USP19: variants seen among roughly 807,000 people sequenced by gnomAD.
The protein encoded by USP19 is ubiquitin specific peptidase 19, also known as ubiquitin carboxyl-terminal hydrolase 19.
USP19 carries 40 observed loss-of-function variants against 144.8 expected under a neutral mutation model. That is an observed-to-expected ratio of 0.28 (90% confidence interval 0.21 to 0.36). The LOEUF (loss-of-function observed/expected upper bound fraction) is 0.36. USP19 is among the 10% of genes least tolerant of loss of function. The probability of loss-of-function intolerance (pLI) is 1.00; values close to 1 mark genes in which losing one functional copy is unlikely to be tolerated. For missense variants in USP19, 1,518 were observed against 1,822.5 expected (o/e 0.83, Z 3.04); for synonymous variants, 701 against 709.3 (o/e 0.99, Z 0.19).
Position 49,118,968 on chromosome 3 carries a change from C to A in USP19, c.124+54G>T, listed in dbSNP as rs2044667510. The stretch of plus-strand genomic sequence containing the variant: ...ATCTCCCAAACCCCAATCTGTATAC[C>A]AATAAGATGGGAGGCAGAGAAGGCC... On this transcript the variant is annotated intron_variant, in intron 2 of 26. Coordinates refer to ENST00000417901, the MANE Select transcript of USP19 (RefSeq NM_001199161.2). 5 of 1,611,356 alleles carry A rather than the reference C, an allele frequency of 3.1e-6. No homozygotes were observed. In the Admixed American group the frequency reaches 5.0e-5, roughly 16 times the overall value.
At position 49,116,836 on chromosome 3, in the gene USP19, G is replaced by A. The variant is rs545452169; in HGVS notation, c.1017C>T (p.Pro339=). 4.6e-5 allele frequency: 74 copies of A among 1,614,052 alleles called. 1 individual carries two copies. In the South Asian group the frequency reaches 5.9e-4, roughly 13 times the overall value. Reference sequence around the variant, plus strand: ...TGGCTGGAGAGACTGGGTCATTCCCGGGAGGCACTGCTTTCTCTCCTGCCA... The same window carrying A: ...TGGCTGGAGAGACTGGGTCATTCCCAGGAGGCACTGCTTTCTCTCCTGCCA... ...APLAGEKAVP[P]GNDPVSPAMV... is the part of the protein sequence containing the mutation. Residue 339 remains proline, a synonymous_variant, in exon 7 of 27, where the codon CCC becomes CCT. Coordinates refer to ENST00000417901, the MANE Select transcript of USP19 (RefSeq NM_001199161.2). The surrounding 1 kb of genome is among the most constrained non-coding windows in gnomAD (Gnocchi z 5.0).
In USP19 at chr3:49,111,589, C is replaced by G; in HGVS notation, c.3128G>C (p.Ser1043Thr). The G allele has an allele frequency of 1.2e-6, 2 of 1,613,016 alleles. No homozygotes were observed. Among genetic ancestry groups the G allele is most frequent in the Non-Finnish European group, 1.7e-6 (2 of 1,179,948 alleles). Residue 1043 changes from serine to threonine, a missense_variant, in exon 21 of 27, where the codon AGC (serine) becomes ACC (threonine). Physicochemically the swap from Ser to Thr is moderately conservative, Grantham distance 58. This residue lies in a region of USP19 where 413 missense variants were observed against 515.8 expected (regional missense o/e 0.80). Transcript: ENST00000417901. This position sits in a 1 kb window ranked among gnomAD's most constrained non-coding sequence, Gnocchi z 5.9. ...CATCTCAGAAGAAATTCCACTGGTGCTGGGCACAGGACCCCGGTCAGGGGC... is the reference window on the plus strand; with the variant it reads ...CATCTCAGAAGAAATTCCACTGGTGGTGGGCACAGGACCCCGGTCAGGGGC... ...WAAPDRGPVP[S>T]TSGISSEMLA...
rs1348444563 is a variant in USP19, at chr3:49,114,144, C to T, written c.2403+30G>A. 1.2e-6 allele frequency: 2 copies of T among 1,614,048 alleles called. No individual in the cohort carries two copies. Among genetic ancestry groups the T allele is most frequent in the Admixed American group, 3.3e-5 (2 of 60,032 alleles). On this transcript the variant is annotated intron_variant, in intron 16 of 26. Transcript: ENST00000417901. This position sits in a 1 kb window ranked among gnomAD's most constrained non-coding sequence, Gnocchi z 4.5. ...GGGAGGTGGGCCACGTTCTCTAGAA[C>T]AGCCCAGAGGGTAGGGGCTTACTCC... is the stretch of plus-strand genomic sequence containing the variant.
rs565267963 is a variant in USP19 at position 49,117,048 on chromosome 3, C to T, written c.909+11G>A. 1 of 1,517,494 alleles carries T rather than the reference C, an allele frequency of 6.6e-7. No homozygotes were observed. Among genetic ancestry groups the T allele is most frequent in the Non-Finnish European group, 8.9e-7 (1 of 1,128,320 alleles). The allele number at this position is 1,517,494 out of a possible 1,614,324, so 94.0% of individuals were successfully genotyped here. A position where few individuals can be genotyped will look rare whatever the true frequency, so the allele number is the denominator to read the frequency against. On this transcript the variant is annotated intron_variant, in intron 6 of 26. Coordinates refer to ENST00000417901, the MANE Select transcript of USP19 (RefSeq NM_001199161.2). This position sits in a 1 kb window ranked among gnomAD's most constrained non-coding sequence, Gnocchi z 4.4. Reference sequence around the variant, plus strand: ...CATCTCCTAACACCCAAACAGGTGCCCAGCTCTCACCTGGGTGGCTGGGTC... The same window carrying T: ...CATCTCCTAACACCCAAACAGGTGCTCAGCTCTCACCTGGGTGGCTGGGTC...
chr3:49,119,676 T>C (rs985599258), intron 1 of USP19, among the ~76,000 whole-genome samples: 1 of 151,966 alleles, frequency 6.6e-6, no homozygotes, highest in Admixed American at 6.5e-5. Context: ...ACTGGAGAAA[T>C]AGAAGGTGGA....
intron 2 of USP19, 68 bp downstream of exon 2, chr3:49,118,954 C>T: frequency 6.2e-7 from 1 of 1,605,344 alleles, no homozygotes. Context: ...TCTCCCAAAC[C>T]CCAATCTGTA....
Position 49,110,445 on chromosome 3 carries a change from C to A in USP19, c.3858G>T (p.Val1286=). 1 of 1,613,832 alleles carries A rather than the reference C, an allele frequency of 6.2e-7. No homozygotes were observed. The highest frequency in any genetic ancestry group is 1.1e-5 in the South Asian group (1 of 91,054). The stretch of plus-strand genomic sequence containing the variant: ...CCTGCTGGCTGTGTGTGCCCTCACC[C>A]ACGTCACTGCGCTGACTGCTACGAT... ...PNDRSSQRSD[V]GWRLFDDSTV... The change falls in exon 25 of 27, where the codon GTG becomes GTT. Residue 1286 remains valine (V), a splice_region_variant and synonymous_variant. Transcript: ENST00000417901. This position sits in a 1 kb window ranked among gnomAD's most constrained non-coding sequence, Gnocchi z 6.1.
Position 49,116,407 on chromosome 3 carries a change from T to C in USP19, c.1283+44A>G. On this transcript the variant is annotated intron_variant, in intron 8 of 26. Coordinates refer to ENST00000417901, the MANE Select transcript of USP19 (RefSeq NM_001199161.2). The surrounding 1 kb of genome is among the most constrained non-coding windows in gnomAD (Gnocchi z 5.0). ...ACAAGAGGAAGAGCATGAGACATAC[T>C]GTCCCACCTGAGGCATTGTTTGCCC... The C allele has an allele frequency of 6.2e-7, 1 of 1,613,992 alleles. No homozygotes were observed. Among genetic ancestry groups the C allele is most frequent in the Non-Finnish European group, 8.5e-7 (1 of 1,179,898 alleles).
Position 49,111,677 on chromosome 3 carries a change from G to C in USP19, c.3040C>G (p.Pro1014Ala). 6.2e-7 allele frequency: 1 copy of C among 1,601,984 alleles called. No individual in the cohort carries two copies. The highest frequency in any genetic ancestry group is 1.1e-5 in the South Asian group (1 of 89,636). ...GDSERDPIQP[P>A]ELQLVTPMAE... Reference sequence around the variant, plus strand: ...ATAGGGGTCACCAGCTGGAGCTCAGGTGGCTGAATGGGGTCTCTCTCGCTG... The same window carrying C: ...ATAGGGGTCACCAGCTGGAGCTCAGCTGGCTGAATGGGGTCTCTCTCGCTG... The change falls in exon 21 of 27, where the codon CCT becomes GCT. Residue 1014 changes from proline to alanine, a missense_variant. Around this residue, in one of 5 missense-constraint regions of USP19, gnomAD observed 413 missense variants for 515.8 expected, o/e 0.80. Coordinates refer to ENST00000417901, the MANE Select transcript of USP19 (RefSeq NM_001199161.2). The surrounding 1 kb of genome is among the most constrained non-coding windows in gnomAD (Gnocchi z 5.9).
chr3:49,111,454 C>G lies in USP19; in HGVS notation c.3217+46G>C. The G allele has an allele frequency of 6.2e-7, 1 of 1,612,716 alleles. No homozygotes were observed. Among genetic ancestry groups the G allele is most frequent in the Non-Finnish European group, 8.5e-7 (1 of 1,179,560 alleles). On this transcript the variant is annotated intron_variant, in intron 21 of 26. Transcript: ENST00000417901. The surrounding 1 kb of genome is among the most constrained non-coding windows in gnomAD (Gnocchi z 5.9). ...CCTAAACAACAGCCCCCTCCATCCT[C>G]CCTTATCCTCCTCCCCAGCTTCTAG...
chr3:49,115,650 A>G lies in USP19; in HGVS notation c.1693-11T>C, dbSNP rs1269627716. 4 of 1,608,250 alleles carry G rather than the reference A, an allele frequency of 2.5e-6. No homozygotes were observed. The highest frequency in any genetic ancestry group is 3.4e-5 in the Admixed American group (2 of 58,702). On this transcript the variant is annotated splice_polypyrimidine_tract_variant and intron_variant, in intron 11 of 26. Transcript: ENST00000417901. The surrounding 1 kb of genome is among the most constrained non-coding windows in gnomAD (Gnocchi z 6.6). ...GCATGTAGGCTTGGGCTGCAGGAGC[A>G]AAGACGACATGAGAGAACAGCCCCA...
At position 49,112,181 on chromosome 3, in the gene USP19, C is replaced by A; in HGVS notation, c.2765+103G>T. On this transcript the variant is annotated intron_variant, in intron 19 of 26. Coordinates refer to ENST00000417901, the MANE Select transcript of USP19 (RefSeq NM_001199161.2). This position sits in a 1 kb window ranked among gnomAD's most constrained non-coding sequence, Gnocchi z 4.9. ...CCCAGAGCCTGGTAAAGTAGGGTGG[C>A]AAGTAGAAAGCTTAAGCATATGTGC... is the stretch of plus-strand genomic sequence containing the variant. 1 of 1,539,562 alleles carries A rather than the reference C, an allele frequency of 6.5e-7. No homozygotes were observed. Among genetic ancestry groups the A allele is most frequent in the Non-Finnish European group, 8.8e-7 (1 of 1,140,630 alleles).
rs1190469578 is a variant in USP19 at position 49,119,210 on chromosome 3, C to T, written c.-65G>A. 6 of 1,541,654 alleles carry T rather than the reference C, an allele frequency of 3.9e-6. No individual in the cohort carries two copies. The highest frequency in any genetic ancestry group is 2.8e-5 in the African/African-American group (2 of 72,220). ...GGCAACAGCGTCTGGGTCAGGGCTG[C>T]GGCGCTTTCTTCCTGGCCCAGCTAT... is the stretch of plus-strand genomic sequence containing the variant. On this transcript the variant is annotated 5_prime_UTR_variant, in exon 2 of 27. Coordinates refer to ENST00000417901, the MANE Select transcript of USP19 (RefSeq NM_001199161.2).
rs1029627393 is a variant in USP19, at chr3:49,119,923, T to G, written c.-136-642A>C. Among the ~76,000 whole-genome samples the G allele has an allele frequency of 3.7e-4, 56 of 152,144 alleles. 1 individual carries two copies. Among genetic ancestry groups the G allele is most frequent in the African/African-American group, 1.3e-3 (55 of 41,426 alleles). ...TCCCAAGCAGAAAGGGACTGAAAAG[T>G]GTATCTAGATGTCACGCTACCTCTT... On this transcript the variant is annotated intron_variant, in intron 1 of 26. Coordinates refer to ENST00000417901, the MANE Select transcript of USP19 (RefSeq NM_001199161.2).
In USP19 at chr3:49,116,423, T is replaced by C. The variant is rs1404470262; in HGVS notation, c.1283+28A>G. ...GAGACATACTGTCCCACCTGAGGCA[T>C]TGTTTGCCCCATCATCTACCCACCC... is the stretch of plus-strand genomic sequence containing the variant. On this transcript the variant is annotated intron_variant, in intron 8 of 26. Coordinates refer to ENST00000417901, the MANE Select transcript of USP19 (RefSeq NM_001199161.2). This position sits in a 1 kb window ranked among gnomAD's most constrained non-coding sequence, Gnocchi z 5.0. 5.6e-6 allele frequency: 9 copies of C among 1,613,914 alleles called. No homozygotes were observed. Among genetic ancestry groups the C allele is most frequent in the African/African-American group, 2.7e-5 (2 of 74,918 alleles).
In USP19 at chr3:49,116,382, A is replaced by C. The variant is rs2044129625; in HGVS notation, c.1284-31T>G. ...GAGGCACAGCAGGATAGGAGGAAGG[A>C]CAAGAGGAAGAGCATGAGACATACT... On this transcript the variant is annotated intron_variant, in intron 8 of 26. Coordinates refer to ENST00000417901, the MANE Select transcript of USP19 (RefSeq NM_001199161.2). This position sits in a 1 kb window ranked among gnomAD's most constrained non-coding sequence, Gnocchi z 5.0. 1.2e-6 allele frequency: 2 copies of C among 1,613,936 alleles called. No individual in the cohort carries two copies. The highest frequency in any genetic ancestry group is 2.7e-5 in the African/African-American group (2 of 74,916).
Position 49,112,107 on chromosome 3 carries a change from T to C in USP19, c.2766-59A>G. On this transcript the variant is annotated intron_variant, in intron 19 of 26. Coordinates refer to ENST00000417901, the MANE Select transcript of USP19 (RefSeq NM_001199161.2). This position sits in a 1 kb window ranked among gnomAD's most constrained non-coding sequence, Gnocchi z 4.9. ...AGCCCCATCTCCTATGACTCCATAC[T>C]GGGGGCTAGTCATAGTCCCTGGGAA... 6.3e-7 allele frequency: 1 copy of C among 1,594,868 alleles called. No individual in the cohort carries two copies. The highest frequency in any genetic ancestry group is 8.6e-7 in the Non-Finnish European group (1 of 1,169,104).
rs1179938750 is a variant in USP19 at position 49,119,104 on chromosome 3, G to A, written c.42C>T (p.Pro14=). ...GASATGPRRG[P]PGLEDTTSKK... Reference sequence around the variant, plus strand: ...TACTAGTGGTGTCCTCCAGTCCTGGGGGCCCTCTCCTTGGGCCTGTGGCAC... The same window carrying A: ...TACTAGTGGTGTCCTCCAGTCCTGGAGGCCCTCTCCTTGGGCCTGTGGCAC... The change falls in exon 2 of 27, where the codon CCC becomes CCT. Residue 14 remains proline, a synonymous_variant. Transcript: ENST00000417901. 10 of 1,613,932 alleles carry A rather than the reference G, an allele frequency of 6.2e-6. 1 individual carries two copies. The highest frequency in any genetic ancestry group is 5.5e-5 in the South Asian group (5 of 91,058).
At position 49,116,989 on chromosome 3, in the gene USP19, G is replaced by C; in HGVS notation, c.910-46C>G. 6.3e-7 allele frequency: 1 copy of C among 1,587,166 alleles called. No homozygotes were observed. Among genetic ancestry groups the C allele is most frequent in the Non-Finnish European group, 8.6e-7 (1 of 1,164,938 alleles). ...GAAAGAATCAGCCCTGGGTCTGCCA[G>C]GTGGCTCCCACTCCAGTGCACACCC... On this transcript the variant is annotated intron_variant, in intron 6 of 26. Transcript: ENST00000417901. The surrounding 1 kb of genome is among the most constrained non-coding windows in gnomAD (Gnocchi z 5.0).
Sources: allele counts gnomAD v4.1 joint callset (sites outside exome capture counted in the v4.1 genomes callset), GRCh38; gene constraint gnomAD v4.1.1; regional missense constraint gnomAD v4.1.1; non-coding constraint Gnocchi (gnomAD v3.1); transcripts MANE v1.5; gene names NCBI Gene and HGNC (gene_info 2026-07-23, HGNC 2026-07-21).